Variants in DCAF6 observed in about 807,000 individuals in gnomAD.
The protein encoded by DCAF6 is DDB1 and CUL4 associated factor 6, also known as DDB1- and CUL4-associated factor 6.
A neutral mutation model predicts 125.1 loss-of-function variants in DCAF6; 54 were observed. That is an observed-to-expected ratio of 0.43 (90% CI 0.35 to 0.54). DCAF6 has a LOEUF of 0.54. Among genes scored for constraint, DCAF6 ranks in the 20% least tolerant of loss-of-function variants. DCAF6 has a pLI of 0.01. For synonymous variants in DCAF6, 371 were observed against 390.4 expected (o/e 0.95, Z 0.58); for missense variants, 934 against 1,161.7 (o/e 0.80, Z 2.85).
At chr1:168,026,820 T>G (rs750170351) in intron 12 of DCAF6, among the ~76,000 whole-genome samples, 1 of 151,786 alleles carries the variant, frequency 6.6e-6, no homozygotes, top group Non-Finnish European at 1.5e-5. Context: ...TGATCTGAGG[T>G]AGAAATAAAG....
At chr1:167,904,383 G>GCGGCC in the DCAF6 span, among the ~76,000 whole-genome samples, 1 of 152,182 alleles carries the variant, frequency 6.6e-6, no homozygotes, top group East Asian at 1.9e-4. Flanking sequence ...ACCGAACCCG[G>GCGGCC]TGGCCTCAGC....
intron 21 of DCAF6, among the ~76,000 whole-genome samples, chr1:168,075,051 C>T (rs1311034519): frequency 6.6e-6 from 1 of 152,216 alleles, no homozygotes; most frequent in Non-Finnish European, 1.5e-5. Context: ...TGCCTCCTCA[C>T]TCCCCTTTGC....
chr1:168,000,133 G>A (rs891900277), intron 7 of DCAF6, among the ~76,000 whole-genome samples: 4 of 152,102 alleles, frequency 2.6e-5, no homozygotes, highest in East Asian at 1.9e-4. Flanking sequence ...TGGAAGGCTC[G>A]AGAGGGAGAG....
At chr1:167,992,936 G>A (rs1557944352) in intron 6 of DCAF6, among the ~76,000 whole-genome samples, 1 of 152,104 alleles carries the variant, frequency 6.6e-6, no homozygotes, top group Non-Finnish European at 1.5e-5. Context: ...TCGTGTGATT[G>A]TATTTATAAA....
the DCAF6 span, among the ~76,000 whole-genome samples, chr1:167,897,129 T>C: frequency 2.0e-5 from 3 of 151,084 alleles, no homozygotes; most frequent in Non-Finnish European, 4.4e-5. Flanking sequence ...ACACATGTGA[T>C]GACACACTGA....
intron 12 of DCAF6, among the ~76,000 whole-genome samples, chr1:168,024,452 T>A (rs1686075225): frequency 6.6e-6 from 1 of 152,142 alleles, no homozygotes; most frequent in Admixed American, 6.6e-5. Flanking sequence ...CTTAGAGAAA[T>A]ATTCAGAAAC....
At chr1:167,898,865 A>G in the DCAF6 span, among the ~76,000 whole-genome samples, 1 of 152,034 alleles carries the variant, frequency 6.6e-6, no homozygotes, top group Admixed American at 6.6e-5. Flanking sequence ...TCATACCCTC[A>G]AAGCACAGCT....
the DCAF6 span, among the ~76,000 whole-genome samples, chr1:167,863,823 G>A: frequency 6.6e-6 from 1 of 152,338 alleles, no homozygotes; most frequent in South Asian, 2.1e-4. Context: ...CTTGGAGTCC[G>A]GACAACTAAA....
intron 14 of DCAF6, among the ~76,000 whole-genome samples, chr1:168,043,385 T>C (rs1232056642): frequency 1.3e-5 from 2 of 152,148 alleles, no homozygotes; most frequent in Non-Finnish European, 2.9e-5. Flanking sequence ...TTGTTCATCA[T>C]ACTATAAATG....
chr1:167,925,470 TATATAC>T, the DCAF6 span, among the ~76,000 whole-genome samples: 1,398 of 107,618 alleles, frequency 0.013, 15 homozygotes, highest in East Asian at 0.033. Flanking sequence ...TATATATATA[TATATAC>T]ATATACATAT....
At chr1:167,866,883 G>A in the DCAF6 span, among the ~76,000 whole-genome samples, 3 of 152,086 alleles carry the variant, frequency 2.0e-5, no homozygotes, top group Non-Finnish European at 4.4e-5. Flanking sequence ...TCCAAAGGCT[G>A]GCCCCCATAT....
At chr1:167,992,560 C>T (rs1681006229) in intron 6 of DCAF6, among the ~76,000 whole-genome samples, 1 of 152,124 alleles carries the variant, frequency 6.6e-6, no homozygotes, top group Non-Finnish European at 1.5e-5. Context: ...TATTGTTTCT[C>T]AACAGGTGGA....
At chr1:167,938,320 A>G (rs1324721227) in intron 1 of DCAF6, among the ~76,000 whole-genome samples, 1 of 152,102 alleles carries the variant, frequency 6.6e-6, no homozygotes, top group Non-Finnish European at 1.5e-5. Flanking sequence ...CATATTGTAA[A>G]CATTGTTTTC....
At chr1:167,880,178 C>T in the DCAF6 span, 194 of 1,612,896 alleles carry the variant, frequency 1.2e-4, 1 homozygote, top group Admixed American at 7.7e-4. Flanking sequence ...CTGGCAACAC[C>T]GATGGATACA....
At chr1:167,955,797 G>C (rs963013698) in intron 2 of DCAF6, among the ~76,000 whole-genome samples, 1 of 152,160 alleles carries the variant, frequency 6.6e-6, no homozygotes, top group Non-Finnish European at 1.5e-5. Context: ...GTCTCCCTCT[G>C]TTTCCCAGAT....
At chr1:167,869,774 G>C in the DCAF6 span, among the ~76,000 whole-genome samples, 2 of 152,012 alleles carry the variant, frequency 1.3e-5, no homozygotes, top group Non-Finnish European at 2.9e-5. Flanking sequence ...CCCTTAAAAG[G>C]GCAGAAGTTG....
chr1:167,927,460 C>T, the DCAF6 span, among the ~76,000 whole-genome samples: 1 of 152,188 alleles, frequency 6.6e-6, no homozygotes. Flanking sequence ...TTTTTATCCT[C>T]GCATGGAGTT....
the DCAF6 span, among the ~76,000 whole-genome samples, chr1:167,884,156 C>T: frequency 2.0e-5 from 3 of 152,178 alleles, no homozygotes; most frequent in African/African-American, 7.2e-5. Context: ...TGTATTAGTC[C>T]GTTCTCCCAC....
At chr1:168,062,303 C>A (rs1691696040) in intron 17 of DCAF6, among the ~76,000 whole-genome samples, 1 of 152,114 alleles carries the variant, frequency 6.6e-6, no homozygotes, top group Admixed American at 6.5e-5. Flanking sequence ...TATACTGTTT[C>A]TAAATTCTGG....
Sources: gnomAD v4.1 joint callset for allele counts (sites outside exome capture counted in the v4.1 genomes callset) on GRCh38, gnomAD v4.1.1 for gene constraint, MANE v1.5 for transcripts, NCBI Gene and HGNC (gene_info 2026-07-23, HGNC 2026-07-21) for gene names.